ZC3H4: variants seen among roughly 807,000 people sequenced by gnomAD.
The protein encoded by ZC3H4 is zinc finger CCCH domain-containing protein 4.
In ZC3H4, 13 loss-of-function variants were observed where a neutral mutation model predicts 108.3. The observed-to-expected ratio is 0.12, with a 90% CI of 0.08 to 0.19. The LOEUF (loss-of-function observed/expected upper bound fraction) is 0.19, where lower values mean the gene tolerates loss of function less well. Ranked by LOEUF, ZC3H4 falls within the 10% of genes least tolerant of loss-of-function variation. ZC3H4 has a pLI of 1.00. For synonymous variants in ZC3H4, 917 were observed against 749.6 expected (o/e 1.22, Z -3.65); for missense variants, 1,734 against 1,838.8 (o/e 0.94, Z 1.04).
In ZC3H4 at chr19:47,072,498, G is replaced by A. The variant is rs781267826; in HGVS notation, c.1656C>T (p.Pro552=). The change falls in exon 12 of 15, where the codon CCC becomes CCT. Residue 552 remains proline (P), a synonymous_variant. Transcript: ENST00000253048. The surrounding 1 kb of genome is among the most constrained non-coding windows in gnomAD (Gnocchi z 5.6). ...PPPPPPPPPP[P]GPPQMPMPVH... is the part of the protein sequence containing the mutation. ...CCGGCATGGGCATCTGAGGGGGCCC[G>A]GGCGGTGGGGGAGGGGGAGGGGGCG... 3.5e-4 allele frequency: 495 copies of A among 1,420,436 alleles called. 1 individual carries two copies. Among genetic ancestry groups the A allele is most frequent in the South Asian group, 5.5e-4 (42 of 75,914 alleles). 88.0% of individuals were successfully genotyped at this position (1,420,436 alleles called of 1,614,324 possible). A position where few individuals can be genotyped will look rare whatever the true frequency, so the allele number is the denominator to read the frequency against.
chr19:47,074,715 A>G (rs1246885886), intron 11 of ZC3H4, among the ~76,000 whole-genome samples: 1 of 152,214 alleles, frequency 6.6e-6, no homozygotes, highest in Non-Finnish European at 1.5e-5. Context: ...TGCCTAGGTG[A>G]GCAGCCTAGT....
At chr19:47,092,578 AGGCCAAGGCG>A (rs886687765) in intron 4 of ZC3H4, among the ~76,000 whole-genome samples, 1 of 152,156 alleles carries the variant, frequency 6.6e-6, no homozygotes, top group Non-Finnish European at 1.5e-5. Flanking sequence ...GCACTGTGGG[AGGCCAAGGCG>A]GGCGGGTCAC....
Position 47,081,640 on chromosome 19 carries a change from G to A in ZC3H4, c.1331-18C>T. ...GAAATCACGTTCATGGCAAATTAAG[G>A]TAAATGCTTCATCTCACAGAACGCC... is the stretch of plus-strand genomic sequence containing the variant. On this transcript the variant is annotated intron_variant, in intron 10 of 14. Coordinates refer to ENST00000253048, the MANE Select transcript of ZC3H4 (RefSeq NM_015168.2). 1.2e-6 allele frequency: 2 copies of A among 1,606,284 alleles called. No individual in the cohort carries two copies. The highest frequency in any genetic ancestry group is 1.7e-6 in the Non-Finnish European group (2 of 1,172,920).
Position 47,069,167 on chromosome 19 carries a change from G to A in ZC3H4, c.2323C>T (p.Gln775Ter). 1 of 1,609,110 alleles carries A rather than the reference G, an allele frequency of 6.2e-7. No individual in the cohort carries two copies. The change falls in exon 14 of 15, where the codon CAG becomes TAG. Residue 775 changes from glutamine to a stop codon, truncating the protein, a stop_gained. Coordinates refer to ENST00000253048, the MANE Select transcript of ZC3H4 (RefSeq NM_015168.2). LOFTEE classifies it high-confidence loss of function. ...AQRALYLRIQ[Q>*]KQQEEEERAR... is the part of the protein sequence containing the mutation. ...CTCTCCTCCTCCTCCTGCTGCTTCT[G>A]CTGGATCCTCAGGTACAGGGCCCTC...
chr19:47,085,004 G>A, intron 8 of ZC3H4, 52 bp downstream of exon 8: 7 of 1,606,118 alleles, frequency 4.4e-6, no homozygotes, highest in Non-Finnish European at 6.0e-6. Context: ...AGGGAAAAAG[G>A]ACTAAGAAGG....
Position 47,084,737 on chromosome 19 carries a change from G to A in ZC3H4, c.1108-282C>T, listed in dbSNP as rs183633221. ...TGCAGGAACACGTCCACCACACCCA[G>A]AGGTGGTGGCATGGGTCTCCCTGCA... On this transcript the variant is annotated intron_variant, in intron 8 of 14. Transcript: ENST00000253048. Among the ~76,000 whole-genome samples, 122 of 152,320 alleles carry A rather than the reference G, an allele frequency of 8.0e-4. 1 individual carries two copies. The highest frequency in any genetic ancestry group is 2.7e-3 in the African/African-American group (114 of 41,582).
At chr19:47,077,110 A>G (rs1342918216) in intron 11 of ZC3H4, among the ~76,000 whole-genome samples, 1 of 152,070 alleles carries the variant, frequency 6.6e-6, no homozygotes, top group Non-Finnish European at 1.5e-5. Flanking sequence ...CAGTGAGCCA[A>G]CACTGCACTA....
At chr19:47,068,394 C>T (rs1599959328) in intron 14 of ZC3H4, among the ~76,000 whole-genome samples, 1 of 152,216 alleles carries the variant, frequency 6.6e-6, no homozygotes, top group Non-Finnish European at 1.5e-5. Context: ...TGACCCCAAA[C>T]CGGCTCGTGA....
intron 4 of ZC3H4, among the ~76,000 whole-genome samples, chr19:47,090,525 C>T (rs1053034761): frequency 1.1e-4 from 16 of 152,126 alleles, no homozygotes; most frequent in Admixed American, 5.2e-4. Context: ...GGGAAGCAGG[C>T]GGGGGCTGCT....
chr19:47,067,139 A>G lies in ZC3H4; in HGVS notation c.3129T>C (p.Phe1043=), dbSNP rs372011396. 2 of 1,611,834 alleles carry G rather than the reference A, an allele frequency of 1.2e-6. No individual in the cohort carries two copies. Among genetic ancestry groups the G allele is most frequent in the Non-Finnish European group, 1.7e-6 (2 of 1,178,854 alleles). Residue 1043 remains phenylalanine (F), a synonymous_variant, in exon 15 of 15, where the codon TTT becomes TTC. Coordinates refer to ENST00000253048, the MANE Select transcript of ZC3H4 (RefSeq NM_015168.2). This position sits in a 1 kb window ranked among gnomAD's most constrained non-coding sequence, Gnocchi z 6.4. The stretch of plus-strand genomic sequence containing the variant: ...TCTTGAGGATGCGAGACAGAAGTTC[A>G]AAGTCGGGGAGGTTGGCGCCCTGTG... The part of the protein sequence containing the change: ...SSTQGANLPD[F]ELLSRILKTV...
chr19:47,094,814 G>C (rs772702537), intron 2 of ZC3H4, among the ~76,000 whole-genome samples: 2 of 152,176 alleles, frequency 1.3e-5, no homozygotes, highest in Non-Finnish European at 2.9e-5. Flanking sequence ...TAACCTGGCT[G>C]GGGGAGGGGT....
chr19:47,079,928 C>T (rs2057491997), intron 11 of ZC3H4, among the ~76,000 whole-genome samples: 2 of 152,178 alleles, frequency 1.3e-5, no homozygotes, highest in Admixed American at 1.3e-4. Context: ...CAGCAGGCTC[C>T]CCGGAGGGAC....
chr19:47,080,776 G>C (rs554528800), intron 11 of ZC3H4, among the ~76,000 whole-genome samples: 348 of 151,834 alleles, frequency 2.3e-3, no homozygotes, highest in African/African-American at 8.1e-3. Context: ...GGGACTACAC[G>C]CATGTGCCAC....
At chr19:47,083,837 G>T (rs2057566619) in intron 9 of ZC3H4, among the ~76,000 whole-genome samples, 1 of 152,200 alleles carries the variant, frequency 6.6e-6, no homozygotes, top group African/African-American at 2.4e-5. Flanking sequence ...CTGGGATACT[G>T]GGGTAAGAAG....
At position 47,085,046 on chromosome 19, in the gene ZC3H4, GT is replaced by G. The variant is rs1266339929; in HGVS notation, c.1107+9del. The G allele has an allele frequency of 6.2e-7, 1 of 1,614,160 alleles. No homozygotes were observed. Among genetic ancestry groups the G allele is most frequent in the Admixed American group, 1.7e-5 (1 of 60,018 alleles). On this transcript the variant is annotated intron_variant, in intron 8 of 14. Transcript: ENST00000253048. ...GGCCCAAACATCAGATCAGAGTGGA[GT>G]CAACTCACGCCCATGTCCTCGTCAT...
At chr19:47,081,432 A>G in intron 11 of ZC3H4, 81 bp downstream of exon 11, 1 of 1,114,988 alleles carries the variant, frequency 9.0e-7, no homozygotes, top group Non-Finnish European at 1.4e-6. Context: ...GAGGCTGGAC[A>G]GGCAGGCCAC....
rs1416361765 is a variant in ZC3H4, at chr19:47,065,758, CCA to C, written c.*596_*597del. On this transcript the variant is annotated 3_prime_UTR_variant, in exon 15 of 15. Transcript: ENST00000253048. Reference sequence around the variant, plus strand: ...GGAGCAGGCATGCGCCAGGGAGCCCCCATAGTGCCGCTGGGGGCTTTTTCCTT... The same window carrying C: ...GGAGCAGGCATGCGCCAGGGAGCCCCTAGTGCCGCTGGGGGCTTTTTCCTT... 1 of 152,718 alleles carries C rather than the reference CCA, an allele frequency of 6.5e-6. No homozygotes were observed. Among genetic ancestry groups the C allele is most frequent in the Admixed American group, 6.5e-5 (1 of 15,284 alleles). 9.5% of individuals were successfully genotyped at this position (152,718 alleles called of 1,614,324 possible). A position where few individuals can be genotyped will look rare whatever the true frequency, so the allele number is the denominator to read the frequency against.
intron 11 of ZC3H4, among the ~76,000 whole-genome samples, chr19:47,075,005 A>G (rs1207645820): frequency 6.6e-6 from 1 of 152,202 alleles, no homozygotes; most frequent in Non-Finnish European, 1.5e-5. Context: ...ATCAAGATAA[A>G]CTAGTCCTGC....
Position 47,072,929 on chromosome 19 carries a change from C to T in ZC3H4, c.1441-216G>A, listed in dbSNP as rs1234551315. ...CCAGCTGGTAGAGGGGGGGCCATTCCTGCTCTATGGCAAAATACACATAAC... is the reference window on the plus strand; with the variant it reads ...CCAGCTGGTAGAGGGGGGGCCATTCTTGCTCTATGGCAAAATACACATAAC... On this transcript the variant is annotated intron_variant, in intron 11 of 14. Coordinates refer to ENST00000253048, the MANE Select transcript of ZC3H4 (RefSeq NM_015168.2). This position sits in a 1 kb window ranked among gnomAD's most constrained non-coding sequence, Gnocchi z 5.6. 6.6e-6 allele frequency among the ~76,000 whole-genome samples: 1 copy of T among 152,182 alleles called. No homozygotes were observed. Among genetic ancestry groups the T allele is most frequent in the Non-Finnish European group, 1.5e-5 (1 of 68,040 alleles).
Sources: allele counts gnomAD v4.1 joint callset (sites outside exome capture counted in the v4.1 genomes callset), GRCh38; gene constraint gnomAD v4.1.1; non-coding constraint Gnocchi (gnomAD v3.1); transcripts MANE v1.5; gene names NCBI Gene and HGNC (gene_info 2026-07-23, HGNC 2026-07-21).